Variants in GALNT17 observed in about 807,000 individuals in gnomAD.
GALNT17 encodes the protein UDP-GalNAc:polypeptide N-acetylgalactosaminyltransferase-like 3.
Under a neutral mutation model 63.7 loss-of-function variants are expected in GALNT17, and 29 were observed. The ratio of observed to expected loss-of-function variants is 0.46; its 90% CI spans 0.34 to 0.62. The LOEUF (loss-of-function observed/expected upper bound fraction) is 0.62. Among genes scored for constraint, GALNT17 ranks in the 20% least tolerant of loss-of-function variants. The pLI, the probability that GALNT17 is intolerant of heterozygous loss-of-function variation, is 0.01. For synonymous variants in GALNT17, 305 were observed against 318.3 expected (o/e 0.96, Z 0.45); for missense variants, 603 against 799.6 (o/e 0.75, Z 2.97).
At chr7:71,168,572 A>G (rs1280012240) in intron 1 of GALNT17, among the ~76,000 whole-genome samples, 1 of 148,658 alleles carries the variant, frequency 6.7e-6, no homozygotes, top group Non-Finnish European at 1.5e-5. Context: ...ACTCTATATC[A>G]AAAAAAAAAG....
chr7:71,673,156 C>G (rs1401054841), intron 8 of GALNT17, among the ~76,000 whole-genome samples: 2 of 152,098 alleles, frequency 1.3e-5, no homozygotes, highest in South Asian at 4.1e-4. Flanking sequence ...TATTAAAAAG[C>G]TTGATAATGA....
chr7:71,337,516 C>T (rs1164363393), intron 2 of GALNT17, among the ~76,000 whole-genome samples: 3 of 152,090 alleles, frequency 2.0e-5, no homozygotes, highest in Non-Finnish European at 4.4e-5. Flanking sequence ...TAAAAAATGC[C>T]AAACTGATAG....
rs373022478 is a variant in GALNT17 at position 71,234,133 on chromosome 7, AC to A, written c.238+101094del. ...ACACATCCAAACCCAAACCATATCA[AC>A]ACACTTCTTGCTTTGGGTGGTTTAG... On this transcript the variant is annotated intron_variant, in intron 1 of 10. Coordinates refer to ENST00000333538, the MANE Select transcript of GALNT17 (RefSeq NM_022479.3). Among the ~76,000 whole-genome samples, 32 of 152,278 alleles carry A rather than the reference AC, an allele frequency of 2.1e-4. No homozygotes were observed. In the East Asian group the frequency reaches 5.2e-3, roughly 25 times the overall value.
intron 5 of GALNT17, among the ~76,000 whole-genome samples, chr7:71,470,405 G>A (rs1429768236): frequency 6.6e-6 from 1 of 152,104 alleles, no homozygotes; most frequent in African/African-American, 2.4e-5. Context: ...CAACTTGAAC[G>A]GAGCACTTGA....
chr7:71,132,850 C>A lies in GALNT17; in HGVS notation c.48C>A (p.Ile16=), dbSNP rs777384878. ...RVKVLLVLNL[I]AVAGFVLFLA... ...AAGTGCTGTTGGTGTTGAACTTGAT[C>A]GCGGTAGCCGGCTTCGTGCTCTTCC... The change falls in exon 1 of 11, where the codon ATC becomes ATA. Residue 16 remains isoleucine, a synonymous_variant. Transcript: ENST00000333538. 5.0e-6 allele frequency: 8 copies of A among 1,612,626 alleles called. No individual in the cohort carries two copies. The South Asian group carries it at 8.8e-5, about 18-fold the overall frequency.
chr7:71,590,986 C>T (rs1463536843), intron 6 of GALNT17, among the ~76,000 whole-genome samples: 4 of 152,212 alleles, frequency 2.6e-5, no homozygotes, highest in East Asian at 3.9e-4. Flanking sequence ...GTCTCGAACT[C>T]TTGACCTCAG....
At chr7:71,473,697 G>A (rs1377924716) in intron 5 of GALNT17, among the ~76,000 whole-genome samples, 1 of 152,126 alleles carries the variant, frequency 6.6e-6, no homozygotes, top group Non-Finnish European at 1.5e-5. Flanking sequence ...TTGGCCCAGA[G>A]GGGCTTCATT....
chr7:71,598,118 AT>A (rs1789915027), intron 6 of GALNT17, among the ~76,000 whole-genome samples: 1 of 152,068 alleles, frequency 6.6e-6, no homozygotes, highest in African/African-American at 2.4e-5. Context: ...TAATTTTTGT[AT>A]TTTTAGTAGA....
At chr7:71,362,168 G>T (rs1437335724) in intron 2 of GALNT17, among the ~76,000 whole-genome samples, 1 of 152,126 alleles carries the variant, frequency 6.6e-6, no homozygotes, top group Non-Finnish European at 1.5e-5. Flanking sequence ...ATGTTGGCCA[G>T]GCTGGTCTCG....
intron 6 of GALNT17, among the ~76,000 whole-genome samples, chr7:71,654,116 A>G (rs1790792805): frequency 6.6e-6 from 1 of 152,084 alleles, no homozygotes; most frequent in Admixed American, 6.5e-5. Flanking sequence ...CCTGAGTTCA[A>G]GCTATTCTCC....
chr7:71,689,916 G>T (rs1791415708), intron 9 of GALNT17, among the ~76,000 whole-genome samples: 1 of 152,120 alleles, frequency 6.6e-6, no homozygotes, highest in African/African-American at 2.4e-5. Flanking sequence ...AAGATCCTAG[G>T]GCCCTTAAGA....
chr7:71,222,852 C>T (rs1417010081), intron 1 of GALNT17, among the ~76,000 whole-genome samples: 1 of 152,118 alleles, frequency 6.6e-6, no homozygotes, highest in Non-Finnish European at 1.5e-5. Context: ...GGGAGGGTCA[C>T]TTGAGGCCAG....
At chr7:71,658,831 T>A (rs1790866367) in intron 6 of GALNT17, among the ~76,000 whole-genome samples, 1 of 151,866 alleles carries the variant, frequency 6.6e-6, no homozygotes, top group Non-Finnish European at 1.5e-5. Flanking sequence ...GAGGTTGCGG[T>A]GAGCCAAGAT....
intron 1 of GALNT17, among the ~76,000 whole-genome samples, chr7:71,194,372 A>AT (rs1276814465): frequency 2.0e-5 from 3 of 152,112 alleles, no homozygotes; most frequent in South Asian, 2.1e-4. Context: ...CACTGCACAC[A>AT]TTTTTTTCCC....
chr7:71,132,745 C>T lies in GALNT17; in HGVS notation c.-58C>T, dbSNP rs538296169. 1.4e-6 allele frequency: 2 copies of T among 1,445,952 alleles called. No homozygotes were observed. Among genetic ancestry groups the T allele is most frequent in the African/African-American group, 1.4e-5 (1 of 70,256 alleles). The allele number at this position is 1,445,952 out of a possible 1,614,324, so 89.6% of individuals were successfully genotyped here. A position where few individuals can be genotyped will look rare whatever the true frequency, so the allele number is the denominator to read the frequency against. On this transcript the variant is annotated 5_prime_UTR_variant, in exon 1 of 11. Coordinates refer to ENST00000333538, the MANE Select transcript of GALNT17 (RefSeq NM_022479.3). The stretch of plus-strand genomic sequence containing the variant: ...GCTTGCACGGCCCCTGGCTGCCCCG[C>T]GCCTCGCCGGAGCCCGAGGGGGCGC...
chr7:71,473,232 T>C (rs1787670424), intron 5 of GALNT17, among the ~76,000 whole-genome samples: 1 of 152,158 alleles, frequency 6.6e-6, no homozygotes, highest in Non-Finnish European at 1.5e-5. Flanking sequence ...AAGTTCTTGT[T>C]ATGTAGATGA....
chr7:71,561,831 G>T (rs1789261029), intron 5 of GALNT17, among the ~76,000 whole-genome samples: 1 of 152,100 alleles, frequency 6.6e-6, no homozygotes, highest in Non-Finnish European at 1.5e-5. Flanking sequence ...GCGGGAGAAT[G>T]TCACCAAACA....
At chr7:71,513,608 A>C (rs1788400564) in intron 5 of GALNT17, among the ~76,000 whole-genome samples, 1 of 151,280 alleles carries the variant, frequency 6.6e-6, no homozygotes, top group South Asian at 2.1e-4. Flanking sequence ...CTCGTCTCTA[A>C]CTCCTGGCCT....
chr7:71,484,063 C>G (rs187935172), intron 5 of GALNT17, among the ~76,000 whole-genome samples: 19 of 152,230 alleles, frequency 1.2e-4, no homozygotes, highest in African/African-American at 4.3e-4. Context: ...TTGAATCCCT[C>G]CTGAAGGACT....
Sources: gnomAD v4.1 joint callset for allele counts (sites outside exome capture counted in the v4.1 genomes callset) on GRCh38, gnomAD v4.1.1 for gene constraint, MANE v1.5 for transcripts, NCBI Gene and HGNC (gene_info 2026-07-23, HGNC 2026-07-21) for gene names.